NAALADL2: variants seen among roughly 807,000 people sequenced by gnomAD.
The protein encoded by NAALADL2 is N-acetylated alpha-linked acidic dipeptidase like 2.
A neutral mutation model predicts 87.2 loss-of-function variants in NAALADL2; 76 were observed. The ratio of observed to expected loss-of-function variants is 0.87; its 90% CI spans 0.72 to 1.05. The LOEUF (loss-of-function observed/expected upper bound fraction) is 1.05. Among genes scored for constraint, NAALADL2 ranks in the 50% least tolerant of loss-of-function variants. The pLI is 0.00. For missense variants in NAALADL2, 1,089 were observed against 945.8 expected (o/e 1.15, Z -1.99); for synonymous variants, 354 against 331.0 (o/e 1.07, Z -0.75).
chr3:174,888,056 A>G (rs1218705204), intron 1 of NAALADL2, among the ~76,000 whole-genome samples: 1 of 152,186 alleles, frequency 6.6e-6, no homozygotes. Flanking sequence ...GTCTTACAGG[A>G]TATAATATTG....
At chr3:175,351,767 A>G (rs16825538) in intron 5 of NAALADL2, among the ~76,000 whole-genome samples, 21,227 of 151,966 alleles carry the variant, frequency 0.14, 1,632 homozygotes, top group East Asian at 0.22. Flanking sequence ...ATGGCAATGA[A>G]CTAGTTGGAG....
intron 2 of NAALADL2, among the ~76,000 whole-genome samples, chr3:175,214,077 C>T (rs1487124963): frequency 2.0e-5 from 3 of 152,050 alleles, no homozygotes; most frequent in Non-Finnish European, 4.4e-5. Flanking sequence ...CAATATGAGC[C>T]AACATGCCCA....
At chr3:174,488,846 G>T (rs917588236) in intron 1 of NAALADL2, among the ~76,000 whole-genome samples, 1 of 152,000 alleles carries the variant, frequency 6.6e-6, no homozygotes, top group East Asian at 1.9e-4. Flanking sequence ...ACCTTTGGAA[G>T]CTACTCCTCA....
At chr3:175,076,185 G>A (rs562174385) in intron 1 of NAALADL2, among the ~76,000 whole-genome samples, 8 of 152,206 alleles carry the variant, frequency 5.3e-5, no homozygotes, top group East Asian at 1.9e-4. Flanking sequence ...CTGAGATTGC[G>A]CCACTGCACT....
rs377226527 is a variant in NAALADL2 at position 175,363,046 on chromosome 3, T to C, written c.1090+38721T>C. ...GTTATCTTTTCTGTGTATCTTATCT[T>C]GTATTATCTTATTGTATTATCTTGT... is the stretch of plus-strand genomic sequence containing the variant. On this transcript the variant is annotated intron_variant, in intron 5 of 13. Coordinates refer to ENST00000454872, the MANE Select transcript of NAALADL2 (RefSeq NM_207015.3). 1.3e-4 allele frequency among the ~76,000 whole-genome samples: 19 copies of C among 147,792 alleles called. 2 individuals are homozygous for C. Among genetic ancestry groups the C allele is most frequent in the African/African-American group, 4.7e-4 (19 of 40,818 alleles).
chr3:174,983,918 T>C (rs1008939385), intron 1 of NAALADL2, among the ~76,000 whole-genome samples: 1 of 152,080 alleles, frequency 6.6e-6, no homozygotes, highest in Non-Finnish European at 1.5e-5. Flanking sequence ...TATAAAAACA[T>C]ACACAAAATA....
chr3:175,022,689 C>G (rs1751715115), intron 1 of NAALADL2, among the ~76,000 whole-genome samples: 1 of 152,046 alleles, frequency 6.6e-6, no homozygotes, highest in Non-Finnish European at 1.5e-5. Flanking sequence ...GACTAGATAC[C>G]AAATCCTTGC....
At chr3:174,851,655 C>T (rs1725282650) in intron 3 of NAALADL2, among the ~76,000 whole-genome samples, 1 of 151,992 alleles carries the variant, frequency 6.6e-6, no homozygotes, top group Admixed American at 6.6e-5. Flanking sequence ...AGCCAAGGAC[C>T]TAATTGCTTC....
chr3:175,082,591 T>G lies in NAALADL2; in HGVS notation c.44-14199T>G, dbSNP rs1718090909. 3.3e-5 allele frequency among the ~76,000 whole-genome samples: 5 copies of G among 152,184 alleles called. No homozygotes were observed. In the South Asian group the frequency reaches 1.0e-3, roughly 32 times the overall value. ...CACTTTATTTTTTAAGAACAGGAGA[T>G]TTAGTAAAACCTAACTTTATTGCAT... On this transcript the variant is annotated intron_variant, in intron 1 of 13. Coordinates refer to ENST00000454872, the MANE Select transcript of NAALADL2 (RefSeq NM_207015.3).
intron 9 of NAALADL2, among the ~76,000 whole-genome samples, chr3:175,505,805 G>C (rs550091685): frequency 6.6e-6 from 1 of 152,316 alleles, no homozygotes; most frequent in African/African-American, 2.4e-5. Context: ...TATAGAGTAA[G>C]AACTATAAGA....
chr3:175,538,228 A>T (rs1005187244), intron 9 of NAALADL2, among the ~76,000 whole-genome samples: 6 of 152,132 alleles, frequency 3.9e-5, no homozygotes, highest in African/African-American at 1.2e-4. Context: ...TATGATAGGT[A>T]TGTTGATAAA....
intron 5 of NAALADL2, among the ~76,000 whole-genome samples, chr3:175,389,836 G>A (rs1372309166): frequency 6.6e-6 from 1 of 152,140 alleles, no homozygotes; most frequent in Non-Finnish European, 1.5e-5. Context: ...CTCCAGGGGA[G>A]AGAACAATGT....
intron 3 of NAALADL2, among the ~76,000 whole-genome samples, chr3:174,815,969 G>C (rs1407461629): frequency 6.6e-6 from 1 of 150,906 alleles, no homozygotes; most frequent in South Asian, 2.1e-4. Flanking sequence ...GGTACTTAGA[G>C]ATAGGAATTC....
chr3:175,034,587 A>C (rs1753189457), intron 1 of NAALADL2, among the ~76,000 whole-genome samples: 2 of 151,948 alleles, frequency 1.3e-5, no homozygotes, highest in Admixed American at 1.3e-4. Context: ...ATCCCATTTG[A>C]CTATGTTTTA....
At chr3:174,469,591 G>T (rs1038663215) in intron 1 of NAALADL2, among the ~76,000 whole-genome samples, 4 of 152,016 alleles carry the variant, frequency 2.6e-5, no homozygotes, top group Non-Finnish European at 4.4e-5. Context: ...ACCAAGTCCA[G>T]TTAATTTTTT....
chr3:174,449,662 A>G (rs1024876222), intron 1 of NAALADL2, among the ~76,000 whole-genome samples: 1 of 152,194 alleles, frequency 6.6e-6, no homozygotes, highest in African/African-American at 2.4e-5. Context: ...TTATTTGAAA[A>G]TTATGATTTA....
intron 5 of NAALADL2, among the ~76,000 whole-genome samples, chr3:175,328,754 A>G (rs1044432146): frequency 6.6e-6 from 1 of 152,222 alleles, no homozygotes; most frequent in African/African-American, 2.4e-5. Flanking sequence ...TACCAGTGAT[A>G]GGTTGTAGTT....
intron 4 of NAALADL2, among the ~76,000 whole-genome samples, chr3:175,294,232 A>G (rs566872016): frequency 2.9e-4 from 44 of 152,284 alleles, no homozygotes. Flanking sequence ...TGTTTACTAC[A>G]TATACTTTTC....
intron 1 of NAALADL2, among the ~76,000 whole-genome samples, chr3:174,471,420 G>A (rs2108311483): frequency 6.6e-6 from 1 of 152,068 alleles, no homozygotes. Flanking sequence ...CTCACGCATG[G>A]TACTAGAAAC....
Sources: allele counts gnomAD v4.1 joint callset (sites outside exome capture counted in the v4.1 genomes callset), GRCh38; gene constraint gnomAD v4.1.1; transcripts MANE v1.5; gene names NCBI Gene and HGNC (gene_info 2026-07-23, HGNC 2026-07-21).